Variants in DIS3L observed in about 807,000 individuals in gnomAD.
The protein encoded by DIS3L is DIS3 like exosome 3'-5' exoribonuclease, also known as DIS3-like exonuclease 1.
DIS3L carries 100 observed loss-of-function variants against 120.3 expected under a neutral mutation model. That is an observed-to-expected ratio of 0.83 (90% CI 0.71 to 0.98). The LOEUF (loss-of-function observed/expected upper bound fraction) is 0.98, where lower values mean the gene tolerates loss of function less well. Ranked by LOEUF, DIS3L falls within the 50% of genes least tolerant of loss-of-function variation. DIS3L has a pLI of 0.00. For missense variants in DIS3L, 1,196 were observed against 1,314.2 expected, an observed-to-expected ratio of 0.91 and a Z score of 1.39; for synonymous variants, 426 against 470.6, an observed-to-expected ratio of 0.91 and a Z score of 1.23.
intron 14 of DIS3L, chr15:66,330,467 G>A (rs1373264808): frequency 4.1e-6 from 4 of 985,260 alleles, no homozygotes; most frequent in Admixed American, 6.2e-5. Context: ...ATTGGGTAAC[G>A]CAGGAAATTG....
Position 66,322,902 on chromosome 15 carries a change from A to G in DIS3L, c.1542A>G (p.Pro514=), listed in dbSNP as rs1352646320. 2 of 1,614,212 alleles carry G rather than the reference A, an allele frequency of 1.2e-6. No individual in the cohort carries two copies. Among genetic ancestry groups the G allele is most frequent in the South Asian group, 1.1e-5 (1 of 91,088 alleles). Residue 514 remains proline, a synonymous_variant, in exon 10 of 17, where the codon CCA becomes CCG. Transcript: ENST00000319212. The stretch of plus-strand genomic sequence containing the variant: ...CAGATGTAACACACTTTGTGGCACC[A>G]AATTCTTACATTGATATTGAAGCTA... ...HIADVTHFVA[P]NSYIDIEART...
chr15:66,305,770 ATCC>A (rs1450111275), intron 2 of DIS3L, among the ~76,000 whole-genome samples: 1 of 152,082 alleles, frequency 6.6e-6, no homozygotes, highest in African/African-American at 2.4e-5. Flanking sequence ...GGCTCAAGCA[ATCC>A]TCCTTCCTCA....
chr15:66,304,900 CA>C (rs796324536), intron 2 of DIS3L, among the ~76,000 whole-genome samples: 1,146 of 56,340 alleles, frequency 0.02, 10 homozygotes, highest in South Asian at 0.12. Flanking sequence ...GACTCCGTCT[CA>C]AAAAAAAAAA....
intron 2 of DIS3L, among the ~76,000 whole-genome samples, chr15:66,300,476 G>A (rs1271463555): frequency 1.3e-5 from 2 of 152,184 alleles, no homozygotes; most frequent in South Asian, 2.1e-4. Flanking sequence ...TTAGATCGAC[G>A]GTGATGGTTG....
Position 66,320,679 on chromosome 15 carries a change from G to A in DIS3L, c.1273G>A (p.Ala425Thr). ...GRIGDLEGEIATILVENSISV... is the reference protein window; with the variant it reads ...GRIGDLEGEITTILVENSISV... ...AATCGGAGATCTGGAAGGGGAAATT[G>A]CAACCATCCTGGTGGAAAACAGTAT... The change falls in exon 9 of 17, where the codon GCA (alanine) becomes ACA (threonine). Residue 425 changes from alanine (A) to threonine (T), a missense_variant. Transcript: ENST00000319212. 6.2e-7 allele frequency: 1 copy of A among 1,614,086 alleles called. No homozygotes were observed. The highest frequency in any genetic ancestry group is 1.1e-5 in the South Asian group (1 of 91,052).
rs374440206 is a variant in DIS3L at position 66,333,250 on chromosome 15, A to C, written c.3103A>C (p.Thr1035Pro). ...CCAAACAAAGGGAAGGAGCCTATAC[A>C]CACTTCTAGAGGAGATACGGGACCT... ...YRQTKGRSLY[T>P]LLEEIRDLAL... The change falls in exon 17 of 17, where the codon ACA becomes CCA. Residue 1035 changes from threonine to proline, a missense_variant. Transcript: ENST00000319212. 6.2e-7 allele frequency: 1 copy of C among 1,613,972 alleles called. No homozygotes were observed. Among genetic ancestry groups the C allele is most frequent in the African/African-American group, 1.3e-5 (1 of 74,882 alleles).
Position 66,313,819 on chromosome 15 carries a change from C to T in DIS3L, c.736-220C>T, listed in dbSNP as rs533817541. ...TATATATGTGTGTGTGTGTACATCT[C>T]GAAAAAAAGAAAAAAGTGTATATGT... is the stretch of plus-strand genomic sequence containing the variant. On this transcript the variant is annotated intron_variant, in intron 5 of 16. Coordinates refer to ENST00000319212, the MANE Select transcript of DIS3L (RefSeq NM_001143688.3). Among the ~76,000 whole-genome samples the T allele has an allele frequency of 9.9e-5, 14 of 141,970 alleles. No individual in the cohort carries two copies. The South Asian group carries it at 2.7e-3, about 28-fold the overall frequency. The allele number at this position is 141,970 out of a possible 152,430, so 93.1% of individuals were successfully genotyped here. A position where few individuals can be genotyped will look rare whatever the true frequency, so the allele number is the denominator to read the frequency against.
intron 2 of DIS3L, among the ~76,000 whole-genome samples, chr15:66,298,596 T>G (rs1360654221): frequency 2.0e-5 from 3 of 152,250 alleles, no homozygotes; most frequent in Non-Finnish European, 4.4e-5. Flanking sequence ...AGATTTCCTA[T>G]TTTGACTTCA....
chr15:66,309,215 G>A (rs553241976), intron 4 of DIS3L, among the ~76,000 whole-genome samples: 1 of 149,626 alleles, frequency 6.7e-6, no homozygotes, highest in South Asian at 2.2e-4. Flanking sequence ...ACACACCACT[G>A]TACTAATGCC....
At chr15:66,318,645 G>A in intron 8 of DIS3L, 27 bp downstream of exon 8, 1 of 1,607,544 alleles carries the variant, frequency 6.2e-7, no homozygotes, top group South Asian at 1.1e-5. Context: ...CTCTACTATG[G>A]GATCTCTACG....
intron 5 of DIS3L, 146 bp from the exon 6 acceptor site, chr15:66,313,893 A>G (rs1346816786): frequency 5.7e-6 from 3 of 528,962 alleles, no homozygotes; most frequent in Non-Finnish European, 1.0e-5. Context: ...GTGTGTATAT[A>G]TATATATATA....
chr15:66,318,905 G>A (rs1276604834), intron 8 of DIS3L, among the ~76,000 whole-genome samples: 1 of 151,952 alleles, frequency 6.6e-6, no homozygotes, highest in Non-Finnish European at 1.5e-5. Context: ...CAGTTCCCCT[G>A]CCTCAGCCTC....
chr15:66,319,991 G>A (rs1462062153), intron 8 of DIS3L, among the ~76,000 whole-genome samples: 2 of 151,348 alleles, frequency 1.3e-5, no homozygotes, highest in African/African-American at 4.8e-5. Context: ...GGGCATGGTG[G>A]TACACGCTTG....
intron 4 of DIS3L, 128 bp from the exon 5 acceptor site, chr15:66,311,596 G>T (rs2092761981): frequency 9.5e-7 from 1 of 1,056,878 alleles, no homozygotes; most frequent in South Asian, 1.4e-5. Flanking sequence ...GGCTCAGGAA[G>T]TCCTGCTCAC....
At chr15:66,313,993 C>A (rs924587182) in intron 5 of DIS3L, 46 bp from the exon 6 acceptor site, 4 of 1,490,576 alleles carry the variant, frequency 2.7e-6, no homozygotes, top group Non-Finnish European at 3.6e-6. Context: ...ATAAACCAGG[C>A]GGAAAAGAAC....
At chr15:66,327,690 C>G (rs192661039) in intron 12 of DIS3L, among the ~76,000 whole-genome samples, 1 of 151,896 alleles carries the variant, frequency 6.6e-6, no homozygotes, top group East Asian at 1.9e-4. Flanking sequence ...GTTGCAGTGA[C>G]CCAAAATCGC....
At position 66,323,575 on chromosome 15, in the gene DIS3L, G is replaced by A; in HGVS notation, c.1657G>A (p.Gly553Ser). ...TGCAGATTTGTGTTCCCTTCTGGGA[G>A]GCGTTGATAGGTGAGTTTATGGCTT... ...LSADLCSLLGGVDRYAVSIMW... is the reference protein window; with the variant it reads ...LSADLCSLLGSVDRYAVSIMW... Residue 553 changes from glycine (G) to serine (S), a missense_variant, in exon 11 of 17, where the codon GGC becomes AGC. Coordinates refer to ENST00000319212, the MANE Select transcript of DIS3L (RefSeq NM_001143688.3). 1 of 1,614,248 alleles carries A rather than the reference G, an allele frequency of 6.2e-7. No homozygotes were observed. The highest frequency in any genetic ancestry group is 1.6e-4 in the Middle Eastern group (1 of 6,062).
chr15:66,315,274 C>T, intron 7 of DIS3L, 59 bp downstream of exon 7: 1 of 1,482,924 alleles, frequency 6.7e-7, no homozygotes, highest in Non-Finnish European at 9.0e-7. Flanking sequence ...ATATTTGTCT[C>T]CTCTTTAGCA....
At chr15:66,300,366 A>G (rs1276111765) in intron 2 of DIS3L, among the ~76,000 whole-genome samples, 1 of 152,218 alleles carries the variant, frequency 6.6e-6, no homozygotes. Flanking sequence ...AACAGAAAGT[A>G]GATTAGTGGT....
Sources: gnomAD v4.1 joint callset for allele counts (sites outside exome capture counted in the v4.1 genomes callset) on GRCh38, gnomAD v4.1.1 for gene constraint, MANE v1.5 for transcripts, NCBI Gene and HGNC (gene_info 2026-07-23, HGNC 2026-07-21) for gene names.